The following RTL4 variants were observed in gnomAD, a reference collection of about 807,000 sequenced individuals.
The protein encoded by RTL4 is retrotransposon Gag like 4.
RTL4 carries 4 observed loss-of-function variants against 5.3 expected under a neutral mutation model. That is an observed-to-expected ratio of 0.75 (90% confidence interval 0.37 to 1.72). The LOEUF (loss-of-function observed/expected upper bound fraction) is 1.72. RTL4 is among the 40% of genes most tolerant of loss of function. RTL4 has a pLI of 0.04. For missense variants in RTL4, 260 were observed against 227.1 expected, an observed-to-expected ratio of 1.14 and a Z score of -0.93; for synonymous variants, 98 against 87.3, an observed-to-expected ratio of 1.12 and a Z score of -0.68.
At chrX:112,251,286 T>C in the RTL4 span, among the ~76,000 whole-genome samples, 1 of 112,442 alleles carries the variant, frequency 8.9e-6, no homozygotes, top group Admixed American at 9.4e-5. Context: ...TTCTTGGGAC[T>C]TTGGCAAACA....
the RTL4 span, among the ~76,000 whole-genome samples, chrX:112,383,085 A>G: frequency 8.9e-6 from 1 of 111,990 alleles, no homozygotes; most frequent in African/African-American, 3.2e-5. Flanking sequence ...TAAATGCTTT[A>G]GTTTTAGGTC....
chrX:112,192,999 T>C, the RTL4 span, among the ~76,000 whole-genome samples: 1 of 111,839 alleles, frequency 8.9e-6, no homozygotes, highest in East Asian at 2.8e-4. Flanking sequence ...GTACTTCCTA[T>C]TTGAAAGATA....
chrX:112,431,614 G>A, the RTL4 span, among the ~76,000 whole-genome samples: 1 of 111,579 alleles, frequency 9.0e-6, no homozygotes, highest in African/African-American at 3.3e-5. Context: ...CTCTAATTTA[G>A]GGGGCAGCAG....
the RTL4 span, among the ~76,000 whole-genome samples, chrX:112,258,097 C>T: frequency 4.6e-5 from 5 of 109,740 alleles, no homozygotes; most frequent in South Asian, 2.0e-3. Context: ...TTCTCTATGG[C>T]TCAGCTTAGA....
At chrX:112,139,983 C>T in the RTL4 span, among the ~76,000 whole-genome samples, 2 of 112,121 alleles carry the variant, frequency 1.8e-5, no homozygotes, top group Non-Finnish European at 3.8e-5. Context: ...GAGGCCTTCC[C>T]AGCCACGTGG....
At chrX:112,418,855 C>A in the RTL4 span, among the ~76,000 whole-genome samples, 1 of 109,226 alleles carries the variant, frequency 9.2e-6, no homozygotes, top group Admixed American at 9.9e-5. Flanking sequence ...TAGAAGACCT[C>A]CATTCTAATT....
At chrX:112,262,844 C>A in the RTL4 span, among the ~76,000 whole-genome samples, 4 of 110,776 alleles carry the variant, frequency 3.6e-5, no homozygotes, top group Non-Finnish European at 1.9e-5. Context: ...AACATATACA[C>A]CATGGAATAC....
chrX:112,226,783 C>G, the RTL4 span, among the ~76,000 whole-genome samples: 1 of 107,549 alleles, frequency 9.3e-6, no homozygotes, highest in Non-Finnish European at 1.9e-5. Context: ...ATCAAAGGTA[C>G]AGCCTAGCCA....
At chrX:112,239,404 G>C in the RTL4 span, among the ~76,000 whole-genome samples, 1 of 111,463 alleles carries the variant, frequency 9.0e-6, no homozygotes, top group African/African-American at 3.3e-5. Context: ...GTAGGAAACT[G>C]TGTCTTTATT....
chrX:112,122,811 ATG>A, the RTL4 span, among the ~76,000 whole-genome samples: 1 of 111,479 alleles, frequency 9.0e-6, no homozygotes, highest in Non-Finnish European at 1.9e-5. Flanking sequence ...TATCAATTTT[ATG>A]TGTTTATATG....
the RTL4 span, among the ~76,000 whole-genome samples, chrX:112,356,677 A>G: frequency 1.2e-4 from 13 of 109,532 alleles, no homozygotes; most frequent in Admixed American, 9.8e-5. Context: ...AGCTTTCTCT[A>G]TTTACTCATG....
the RTL4 span, among the ~76,000 whole-genome samples, chrX:112,363,983 C>A: frequency 9.0e-6 from 1 of 111,492 alleles, no homozygotes. Context: ...ATTATAGAAG[C>A]AGGAATATCT....
At chrX:112,172,822 A>G in the RTL4 span, among the ~76,000 whole-genome samples, 1 of 111,897 alleles carries the variant, frequency 8.9e-6, no homozygotes, top group South Asian at 3.8e-4. Flanking sequence ...ATGGAATACT[A>G]TGCAGCCATA....
At chrX:112,306,556 C>T in the RTL4 span, among the ~76,000 whole-genome samples, 1 of 111,508 alleles carries the variant, frequency 9.0e-6, no homozygotes, top group Non-Finnish European at 1.9e-5. Flanking sequence ...CCTAGCCAGC[C>T]TGACTCCAGA....
chrX:112,147,722 T>C, the RTL4 span, among the ~76,000 whole-genome samples: 2 of 112,088 alleles, frequency 1.8e-5, no homozygotes, highest in African/African-American at 6.5e-5. Flanking sequence ...GTGGATCACT[T>C]GACGTCACGA....
At chrX:112,190,249 T>C in the RTL4 span, among the ~76,000 whole-genome samples, 1 of 106,581 alleles carries the variant, frequency 9.4e-6, no homozygotes, top group Non-Finnish European at 1.9e-5. Context: ...TGTCATACAG[T>C]GGATTCTCAG....
the RTL4 span, among the ~76,000 whole-genome samples, chrX:112,366,977 T>C: frequency 9.0e-5 from 10 of 111,242 alleles, no homozygotes; most frequent in African/African-American, 3.3e-4. Context: ...TGATAGACAG[T>C]CACCTTTGAG....
At chrX:112,368,216 A>T in the RTL4 span, among the ~76,000 whole-genome samples, 1 of 111,645 alleles carries the variant, frequency 9.0e-6, no homozygotes, top group Non-Finnish European at 1.9e-5. Context: ...AAAGAAAATG[A>T]TAGCCTGGTC....
chrX:112,236,611 G>A, the RTL4 span, among the ~76,000 whole-genome samples: 1 of 104,599 alleles, frequency 9.6e-6, no homozygotes, highest in African/African-American at 3.5e-5. Flanking sequence ...AAACCCAAAG[G>A]CAGAGAAATT....
Sources: gnomAD v4.1 joint callset for allele counts (sites outside exome capture counted in the v4.1 genomes callset) on GRCh38, gnomAD v4.1.1 for gene constraint, MANE v1.5 for transcripts, NCBI Gene and HGNC (gene_info 2026-07-23, HGNC 2026-07-21) for gene names.